FAM220A: variants seen among roughly 807,000 people sequenced by gnomAD.
The protein encoded by FAM220A is protein FAM220A.
For missense variants in FAM220A, 392 were observed against 321.6 expected (o/e 1.22, Z -1.68); for synonymous variants, 141 against 130.7 (o/e 1.08, Z -0.54).
chr7:6,338,920 G>A (rs1191839710), intron 1 of FAM220A, among the ~76,000 whole-genome samples: 1 of 152,182 alleles, frequency 6.6e-6, no homozygotes, highest in Non-Finnish European at 1.5e-5. Flanking sequence ...CCGCACGCAA[G>A]GAGAGCTCAC....
intron 1 of FAM220A, among the ~76,000 whole-genome samples, chr7:6,344,036 C>A (rs192081330): frequency 6.6e-6 from 1 of 151,978 alleles, no homozygotes; most frequent in African/African-American, 2.4e-5. Context: ...CAGGCATGCA[C>A]CACTACATTC....
At chr7:6,340,388 G>T (rs574945245) in intron 1 of FAM220A, among the ~76,000 whole-genome samples, 1 of 152,128 alleles carries the variant, frequency 6.6e-6, no homozygotes, top group Non-Finnish European at 1.5e-5. Context: ...ACGGAGAAGC[G>T]ACCACTGCAT....
At chr7:6,347,571 T>A (rs903036915) in intron 1 of FAM220A, among the ~76,000 whole-genome samples, 1 of 151,764 alleles carries the variant, frequency 6.6e-6, no homozygotes, top group Admixed American at 6.6e-5. Flanking sequence ...TCCAGGGTGC[T>A]GGGGTGTGAG....
At position 6,330,114 on chromosome 7, in the gene FAM220A, T is replaced by C; in HGVS notation, c.*261A>G. The C allele has an allele frequency of 2.2e-6, 1 of 462,776 alleles. No homozygotes were observed. The highest frequency in any genetic ancestry group is 4.0e-6 in the Non-Finnish European group (1 of 252,474). 28.7% of individuals were successfully genotyped at this position (462,776 alleles called of 1,614,324 possible). ...TAAATCCGTATGTTCTAATCTGGTATTTATACAGGCTATGATCGTCTCCTG... is the reference window on the plus strand; with the variant it reads ...TAAATCCGTATGTTCTAATCTGGTACTTATACAGGCTATGATCGTCTCCTG... On this transcript the variant is annotated 3_prime_UTR_variant, in exon 2 of 2. Coordinates refer to ENST00000313324, the MANE Select transcript of FAM220A (RefSeq NM_001037163.2).
chr7:6,331,044 G>A lies in FAM220A; in HGVS notation c.111C>T (p.Gly37=). The A allele has an allele frequency of 6.2e-7, 1 of 1,613,920 alleles. No individual in the cohort carries two copies. The highest frequency in any genetic ancestry group is 2.2e-5 in the East Asian group (1 of 44,880). The change falls in exon 2 of 2, where the codon GGC becomes GGT. Residue 37 remains glycine, a synonymous_variant. Transcript: ENST00000313324. ...AGGAGGGTGCATCTGCAGGCCAAGG[G>A]CCCTCCGGCATTCTTTTCTTAAGGC... The part of the protein sequence containing the change: ...SCSLKKRMPE[G]PWPADAPSWM...
intron 1 of FAM220A, among the ~76,000 whole-genome samples, chr7:6,333,516 T>G (rs60184767): frequency 0.049 from 7,509 of 152,222 alleles, 646 homozygotes; most frequent in African/African-American, 0.17. Flanking sequence ...TTGCTGTTTT[T>G]GAGACGAGGT....
At position 6,340,824 on chromosome 7, in the gene FAM220A, G is replaced by A. The variant is rs28579816; in HGVS notation, c.-82+7749C>T. On this transcript the variant is annotated intron_variant, in intron 1 of 1. Transcript: ENST00000313324. ...TGAGGCAGGAGAATGGCGTGAACCC[G>A]GGAGGCGGAGCTGGCAGTGAGCCGA... Among the ~76,000 whole-genome samples, 1,167 of 134,606 alleles carry A rather than the reference G, an allele frequency of 8.7e-3. 16 individuals carry two copies. Among genetic ancestry groups the A allele is most frequent in the African/African-American group, 0.031 (1,105 of 35,838 alleles). 88.3% of individuals were successfully genotyped at this position (134,606 alleles called of 152,430 possible). A position where few individuals can be genotyped will look rare whatever the true frequency, so the allele number is the denominator to read the frequency against.
At chr7:6,338,211 A>G (rs535358799) in intron 1 of FAM220A, among the ~76,000 whole-genome samples, 2 of 152,268 alleles carry the variant, frequency 1.3e-5, no homozygotes, top group African/African-American at 2.4e-5. Flanking sequence ...GAGGGCCACA[A>G]ATAACTTCTA....
At chr7:6,341,404 T>C (rs1172193023) in intron 1 of FAM220A, among the ~76,000 whole-genome samples, 13 of 143,910 alleles carry the variant, frequency 9.0e-5, no homozygotes, top group Admixed American at 1.4e-4. Context: ...ATCGCGCCAC[T>C]GTACTCCAGC....
chr7:6,342,663 G>C (rs1017777784), intron 1 of FAM220A, among the ~76,000 whole-genome samples: 1 of 152,126 alleles, frequency 6.6e-6, no homozygotes, highest in African/African-American at 2.4e-5. Flanking sequence ...GCAAATGTTC[G>C]TAGTAACATT....
rs753197459 is a variant in FAM220A, at chr7:6,330,231, C to G, written c.*144G>C. On this transcript the variant is annotated 3_prime_UTR_variant, in exon 2 of 2. Coordinates refer to ENST00000313324, the MANE Select transcript of FAM220A (RefSeq NM_001037163.2). ...CGCATCAACTGGCTTTGAATTTAAA[C>G]TCAATTTACTTTAAGTCTGCCAGGT... 1 of 809,128 alleles carries G rather than the reference C, an allele frequency of 1.2e-6. No individual in the cohort carries two copies. Among genetic ancestry groups the G allele is most frequent in the Non-Finnish European group, 1.9e-6 (1 of 520,278 alleles). The allele number at this position is 809,128 out of a possible 1,614,324, so 50.1% of individuals were successfully genotyped here.
chr7:6,347,901 A>ATTC (rs1250092520), intron 1 of FAM220A, among the ~76,000 whole-genome samples: 2 of 145,524 alleles, frequency 1.4e-5, no homozygotes, highest in Non-Finnish European at 3.0e-5. Flanking sequence ...TATTATTATT[A>ATTC]TTATTATTAT....
Position 6,329,756 on chromosome 7 carries a change from G to GT in FAM220A, c.*618dup, listed in dbSNP as rs1781591057. 1 of 165,888 alleles carries GT rather than the reference G, an allele frequency of 6.0e-6. No individual in the cohort carries two copies. The highest frequency in any genetic ancestry group is 1.5e-5 in the Non-Finnish European group (1 of 68,154). 10.3% of individuals were successfully genotyped at this position (165,888 alleles called of 1,614,324 possible). ...TTTCTCGAGCTCATTTTTGTTTAAG[G>GT]TAACACTGCTAGGGTTCTGAGTTTG... On this transcript the variant is annotated 3_prime_UTR_variant, in exon 2 of 2. Transcript: ENST00000313324.
chr7:6,347,927 T>C (rs1405798929), intron 1 of FAM220A, among the ~76,000 whole-genome samples: 4 of 144,258 alleles, frequency 2.8e-5, no homozygotes, highest in Admixed American at 1.4e-4. Context: ...TTATTATTAT[T>C]GAGATGGAGT....
Position 6,348,957 on chromosome 7 carries a change from C to G in FAM220A, c.-466G>C, listed in dbSNP as rs1330694275. Reference sequence around the variant, plus strand: ...CGAGCAGCCGCCTGTACCAGCCTGGCCGCGCAGCCTGACGTCACAAAGCCA... The same window carrying G: ...CGAGCAGCCGCCTGTACCAGCCTGGGCGCGCAGCCTGACGTCACAAAGCCA... On this transcript the variant is annotated 5_prime_UTR_variant, in exon 1 of 2. Coordinates refer to ENST00000313324, the MANE Select transcript of FAM220A (RefSeq NM_001037163.2). 2.7e-6 allele frequency: 1 copy of G among 377,258 alleles called. No homozygotes were observed. Among genetic ancestry groups the G allele is most frequent in the Non-Finnish European group, 4.7e-6 (1 of 213,154 alleles). The allele number at this position is 377,258 out of a possible 1,614,324, so 23.4% of individuals were successfully genotyped here. A position where few individuals can be genotyped will look rare whatever the true frequency, so the allele number is the denominator to read the frequency against.
chr7:6,341,117 CTGGG>C (rs1422339094), intron 1 of FAM220A, among the ~76,000 whole-genome samples: 1 of 148,914 alleles, frequency 6.7e-6, no homozygotes, highest in African/African-American at 2.5e-5. Flanking sequence ...GCACTCCAGC[CTGGG>C]CGACACAGCA....
Position 6,348,707 on chromosome 7 carries a change from C to A in FAM220A, c.-216G>T, listed in dbSNP as rs11550274. ...TTGCAGAAGACCCCATAGGAGCGGGCGGCGGCCGAGCGCGAGAGCCGGACA... is the reference window on the plus strand; with the variant it reads ...TTGCAGAAGACCCCATAGGAGCGGGAGGCGGCCGAGCGCGAGAGCCGGACA... On this transcript the variant is annotated 5_prime_UTR_variant, in exon 1 of 2. Coordinates refer to ENST00000313324, the MANE Select transcript of FAM220A (RefSeq NM_001037163.2). The A allele has an allele frequency of 4.7e-6, 2 of 425,696 alleles. No homozygotes were observed. Among genetic ancestry groups the A allele is most frequent in the Non-Finnish European group, 8.3e-6 (2 of 240,246 alleles). The allele number at this position is 425,696 out of a possible 1,614,324, so 26.4% of individuals were successfully genotyped here. A position where few individuals can be genotyped will look rare whatever the true frequency, so the allele number is the denominator to read the frequency against.
intron 1 of FAM220A, among the ~76,000 whole-genome samples, chr7:6,344,055 T>C (rs1388740123): frequency 6.6e-6 from 1 of 151,824 alleles, no homozygotes; most frequent in Non-Finnish European, 1.5e-5. Flanking sequence ...TCAACTAACT[T>C]TTAATGTTTT....
chr7:6,333,677 T>G (rs79422521), intron 1 of FAM220A, among the ~76,000 whole-genome samples: 6 of 151,364 alleles, frequency 4.0e-5, no homozygotes, highest in African/African-American at 1.5e-4. Flanking sequence ...TTTTTTTTTT[T>G]CAGAGCAGGA....
Sources: gnomAD v4.1 joint callset for allele counts (sites outside exome capture counted in the v4.1 genomes callset) on GRCh38, gnomAD v4.1.1 for gene constraint, MANE v1.5 for transcripts, NCBI Gene and HGNC (gene_info 2026-07-23, HGNC 2026-07-21) for gene names.